The following POLB variants were observed in gnomAD, a reference collection of about 807,000 sequenced individuals.
POLB encodes 5'-dRP lyase.
In POLB, 37 loss-of-function variants were observed where a neutral mutation model predicts 52.7. The ratio of observed to expected loss-of-function variants is 0.70; its 90% CI spans 0.54 to 0.92. The LOEUF is 0.92. Ranked by LOEUF, POLB falls within the 40% of genes least tolerant of loss-of-function variation. The pLI is 0.00. For missense variants in POLB, 313 were observed against 400.8 expected, an observed-to-expected ratio of 0.78 and a Z score of 1.87; for synonymous variants, 138 against 131.3, an observed-to-expected ratio of 1.05 and a Z score of -0.35.
At chr8:42,352,601 T>C in intron 6 of POLB, 33 bp downstream of exon 6, 1 of 1,314,602 alleles carries the variant, frequency 7.6e-7, no homozygotes, top group South Asian at 1.2e-5. Context: ...AATTCCAGAT[T>C]AAATATGGTC....
chr8:42,362,624 C>T lies in POLB; in HGVS notation c.634C>T (p.His212Tyr). 3 of 1,604,836 alleles carry T rather than the reference C, an allele frequency of 1.9e-6. No homozygotes were observed. The highest frequency in any genetic ancestry group is 2.6e-6 in the Non-Finnish European group (3 of 1,171,852). ...SESTKQPKLL[H>Y]QVVEQLQKVH... Reference sequence around the variant, plus strand: ...TATGATTCTACAGCCAAAACTGTTACATCAGGTTGTGGAGCAGTTACAAAA... The same window carrying T: ...TATGATTCTACAGCCAAAACTGTTATATCAGGTTGTGGAGCAGTTACAAAA... The change falls in exon 11 of 14, where the codon CAT (histidine) becomes TAT (tyrosine). Residue 212 changes from histidine to tyrosine, a missense_variant. Coordinates refer to ENST00000265421, the MANE Select transcript of POLB (RefSeq NM_002690.3).
In POLB at chr8:42,338,656, T is replaced by C. The variant is rs750729543; in HGVS notation, c.32T>C (p.Leu11Pro). The change falls in exon 1 of 14, where the codon CTC (leucine) becomes CCC (proline). Residue 11 changes from leucine to proline, a missense_variant. Physicochemically the swap from Leu to Pro is moderately conservative, Grantham distance 98. Transcript: ENST00000265421. MSKRKAPQET[L>P]NGGITDMLTE... Reference sequence around the variant, plus strand: ...AAACGGAAGGCGCCGCAGGAGACTCTCAACGGGGGAATCACCGACATGCTC... The same window carrying C: ...AAACGGAAGGCGCCGCAGGAGACTCCCAACGGGGGAATCACCGACATGCTC... 3.7e-6 allele frequency: 6 copies of C among 1,614,184 alleles called. No individual in the cohort carries two copies. In the East Asian group the frequency reaches 1.3e-4, roughly 36 times the overall value.
intron 11 of POLB, among the ~76,000 whole-genome samples, chr8:42,365,873 G>A (rs1024892283): frequency 5.9e-5 from 9 of 152,160 alleles, no homozygotes; most frequent in African/African-American, 2.2e-4. Context: ...GCTGAGGCAG[G>A]TGAATCACCT....
intron 11 of POLB, among the ~76,000 whole-genome samples, chr8:42,366,016 C>A: frequency 6.6e-6 from 1 of 152,054 alleles, no homozygotes; most frequent in East Asian, 1.9e-4. Context: ...GGAAGGATCG[C>A]TTGAACCAGG....
At chr8:42,353,038 C>T (rs1221556850) in intron 6 of POLB, among the ~76,000 whole-genome samples, 2 of 150,926 alleles carry the variant, frequency 1.3e-5, no homozygotes, top group Non-Finnish European at 1.5e-5. Flanking sequence ...GGTGCCACTG[C>T]ACTCCAGCCT....
rs897790033 is a variant in POLB at position 42,351,836 on chromosome 8, A to C, written c.321-683A>C. Among the ~76,000 whole-genome samples, 3 of 152,228 alleles carry C rather than the reference A, an allele frequency of 2.0e-5. No homozygotes were observed. In the East Asian group the frequency reaches 5.8e-4, roughly 29 times the overall value. On this transcript the variant is annotated intron_variant, in intron 5 of 13. Coordinates refer to ENST00000265421, the MANE Select transcript of POLB (RefSeq NM_002690.3). The stretch of plus-strand genomic sequence containing the variant: ...CACCATGGCTCTAAAAGCACAGTAG[A>C]GTGTAACACCTGCGTACTGTTCCAT...
At chr8:42,354,839 GC>G (rs995219174) in intron 6 of POLB, among the ~76,000 whole-genome samples, 4 of 152,118 alleles carry the variant, frequency 2.6e-5, no homozygotes, top group Middle Eastern at 3.4e-3. Flanking sequence ...ACTGTGCCCG[GC>G]TCAACAGGAT....
In POLB at chr8:42,344,134, CAAAAAAAAAAAA is replaced by C. The variant is rs34085444; in HGVS notation, c.120-805_120-794del. Among the ~76,000 whole-genome samples the C allele has an allele frequency of 8.3e-3, 492 of 59,058 alleles. 6 individuals carry two copies. The highest frequency in any genetic ancestry group is 0.023 in the African/African-American group (377 of 16,214). The allele number at this position is 59,058 out of a possible 152,430, so 38.7% of individuals were successfully genotyped here. A position where few individuals can be genotyped will look rare whatever the true frequency, so the allele number is the denominator to read the frequency against. On this transcript the variant is annotated intron_variant, in intron 2 of 13. Coordinates refer to ENST00000265421, the MANE Select transcript of POLB (RefSeq NM_002690.3). ...CGACAGACTGGGCGAGACTCCGTCT[CAAAAAAAAAAAA>C]AAAAAAAAAAAAAGTGGCCGGGAGT...
chr8:42,360,253 G>A (rs1823593111), intron 9 of POLB, among the ~76,000 whole-genome samples: 1 of 151,534 alleles, frequency 6.6e-6, no homozygotes, highest in Non-Finnish European at 1.5e-5. Context: ...CACCTTGCCC[G>A]GCCTGGCCTT....
intron 7 of POLB, 129 bp downstream of exon 7, chr8:42,355,696 A>T: frequency 1.6e-6 from 1 of 614,526 alleles, no homozygotes; most frequent in East Asian, 2.8e-5. Flanking sequence ...AGAAGTGCTA[A>T]GATTTGTGGA....
At chr8:42,361,414 A>G (rs766758282) in intron 10 of POLB, 49 bp downstream of exon 10, 3 of 1,245,856 alleles carry the variant, frequency 2.4e-6, no homozygotes, top group Non-Finnish European at 3.5e-6. Context: ...ACAACAGTGA[A>G]TTTCACTTTT....
intron 4 of POLB, among the ~76,000 whole-genome samples, chr8:42,349,600 G>C (rs907246950): frequency 1.6e-4 from 24 of 152,298 alleles, no homozygotes; most frequent in African/African-American, 5.3e-4. Context: ...ATGTTAGCCA[G>C]TATGGTCTCG....
Position 42,338,496 on chromosome 8 carries a change from T to C in POLB, c.-129T>C. The C allele has an allele frequency of 2.5e-6, 2 of 799,390 alleles. No individual in the cohort carries two copies. Among genetic ancestry groups the C allele is most frequent in the East Asian group, 5.1e-5 (2 of 38,876 alleles). 49.5% of individuals were successfully genotyped at this position (799,390 alleles called of 1,614,324 possible). A position where few individuals can be genotyped will look rare whatever the true frequency, so the allele number is the denominator to read the frequency against. On this transcript the variant is annotated 5_prime_UTR_variant, in exon 1 of 14. Transcript: ENST00000265421. ...CCCGCCCCCCATCGGGGGCAACCATTGTTCCGCCGGTCGCGCCGGAGCTGG... is the reference window on the plus strand; with the variant it reads ...CCCGCCCCCCATCGGGGGCAACCATCGTTCCGCCGGTCGCGCCGGAGCTGG...
chr8:42,347,328 T>C (rs1163009234), intron 3 of POLB, among the ~76,000 whole-genome samples: 1 of 127,448 alleles, frequency 7.8e-6, no homozygotes, highest in Non-Finnish European at 1.7e-5. Flanking sequence ...GAATTACTCC[T>C]CAGTAATTCT....
chr8:42,361,118 A>G, intron 9 of POLB, 177 bp from the exon 10 acceptor site: 1 of 696,640 alleles, frequency 1.4e-6, no homozygotes, highest in South Asian at 1.5e-5. Flanking sequence ...ACATCAATAC[A>G]CCTGAATAGT....
chr8:42,359,778 A>T (rs1297881371), intron 9 of POLB, among the ~76,000 whole-genome samples: 5 of 150,312 alleles, frequency 3.3e-5, no homozygotes, highest in Non-Finnish European at 7.4e-5. Context: ...CTTTGCTCAT[A>T]CACTTTGTTT....
At chr8:42,356,063 A>G (rs958662017) in intron 7 of POLB, among the ~76,000 whole-genome samples, 1 of 152,220 alleles carries the variant, frequency 6.6e-6, no homozygotes, top group Non-Finnish European at 1.5e-5. Flanking sequence ...ATCAGCATCA[A>G]TAATTATTTT....
At chr8:42,348,372 T>A (rs1822762571) in intron 3 of POLB, among the ~76,000 whole-genome samples, 1 of 152,216 alleles carries the variant, frequency 6.6e-6, no homozygotes, top group South Asian at 2.1e-4. Context: ...AACGTGGATG[T>A]TGTGACTGAA....
intron 3 of POLB, among the ~76,000 whole-genome samples, chr8:42,347,844 A>C (rs1278671522): frequency 6.6e-6 from 1 of 152,194 alleles, no homozygotes; most frequent in African/African-American, 2.4e-5. Context: ...ACATTAAATA[A>C]ATTAAGAATA....
Sources: gnomAD v4.1 joint callset for allele counts (sites outside exome capture counted in the v4.1 genomes callset) on GRCh38, gnomAD v4.1.1 for gene constraint, MANE v1.5 for transcripts, NCBI Gene and HGNC (gene_info 2026-07-23, HGNC 2026-07-21) for gene names.